ATP2B4: variants seen among roughly 807,000 people sequenced by gnomAD.
The protein encoded by ATP2B4 is ATPase plasma membrane Ca2+ transporting 4.
A neutral mutation model predicts 110.3 loss-of-function variants in ATP2B4; 39 were observed. The observed-to-expected ratio is 0.35, with a 90% CI of 0.27 to 0.46. The LOEUF (loss-of-function observed/expected upper bound fraction) is 0.46, where lower values mean the gene tolerates loss of function less well. Ranked by LOEUF, ATP2B4 falls within the 20% of genes least tolerant of loss-of-function variation. The pLI is 1.00. For missense variants in ATP2B4, 1,135 were observed against 1,530.9 expected (o/e 0.74, Z 4.32); for synonymous variants, 538 against 571.7 (o/e 0.94, Z 0.84).
intron 1 of ATP2B4, among the ~76,000 whole-genome samples, chr1:203,646,705 G>C (rs1023095917): frequency 2.0e-5 from 3 of 152,082 alleles, no homozygotes; most frequent in African/African-American, 7.2e-5. Context: ...GGAGGTTACA[G>C]TGAGCCGAGA....
At chr1:203,630,842 A>C (rs1217197610) in intron 1 of ATP2B4, among the ~76,000 whole-genome samples, 1 of 152,102 alleles carries the variant, frequency 6.6e-6, no homozygotes, top group Non-Finnish European at 1.5e-5. Flanking sequence ...TTCTCCACTC[A>C]TGTCCCCTTT....
intron 2 of ATP2B4, among the ~76,000 whole-genome samples, chr1:203,684,783 AT>A (rs1442852347): frequency 6.6e-6 from 1 of 151,870 alleles, no homozygotes; most frequent in South Asian, 2.1e-4. Context: ...ATTATAAGTG[AT>A]TTTTTTTCAA....
intron 15 of ATP2B4, among the ~76,000 whole-genome samples, chr1:203,716,540 G>A (rs1047270160): frequency 2.8e-5 from 4 of 144,908 alleles, no homozygotes; most frequent in Non-Finnish European, 6.1e-5. Flanking sequence ...AGTTGTTGAG[G>A]GCAAGCATTC....
intron 1 of ATP2B4, among the ~76,000 whole-genome samples, chr1:203,639,111 T>G (rs978122814): frequency 6.6e-6 from 1 of 152,044 alleles, no homozygotes; most frequent in African/African-American, 2.4e-5. Flanking sequence ...TCAGAGGAAG[T>G]GCAGAGGGGA....
At chr1:203,734,577 G>C (rs906395807) in intron 20 of ATP2B4, among the ~76,000 whole-genome samples, 1 of 151,206 alleles carries the variant, frequency 6.6e-6, no homozygotes, top group African/African-American at 2.4e-5. Flanking sequence ...AATATGGTGC[G>C]TGCCTGTAAT....
At chr1:203,636,207 C>A (rs1337122221) in intron 1 of ATP2B4, among the ~76,000 whole-genome samples, 4 of 152,216 alleles carry the variant, frequency 2.6e-5, no homozygotes, top group African/African-American at 7.2e-5. Context: ...CTGAAAGAAA[C>A]CAGCAAGCAG....
intron 1 of ATP2B4, among the ~76,000 whole-genome samples, chr1:203,668,671 G>T (rs939751591): frequency 2.6e-5 from 4 of 152,200 alleles, no homozygotes; most frequent in Admixed American, 2.0e-4. Context: ...GACACAGATG[G>T]GTCCTGGGTT....
At chr1:203,648,498 C>G (rs892316778) in intron 1 of ATP2B4, among the ~76,000 whole-genome samples, 1 of 152,154 alleles carries the variant, frequency 6.6e-6, no homozygotes, top group Non-Finnish European at 1.5e-5. Flanking sequence ...TTTGGAATGA[C>G]AGCCCGAGGT....
intron 1 of ATP2B4, among the ~76,000 whole-genome samples, chr1:203,663,855 C>T (rs550234296): frequency 4.6e-5 from 7 of 152,306 alleles, no homozygotes; most frequent in South Asian, 2.1e-4. Context: ...CCTCCTGCCT[C>T]GGCCTCCTGA....
intron 9 of ATP2B4, 99 bp from the exon 10 acceptor site, chr1:203,707,763 T>A: frequency 6.7e-7 from 1 of 1,496,936 alleles, no homozygotes; most frequent in Non-Finnish European, 9.1e-7. Flanking sequence ...GACTGGAAGA[T>A]GAAATGTGGA....
At chr1:203,706,054 G>A (rs1236430694) in intron 8 of ATP2B4, among the ~76,000 whole-genome samples, 1 of 152,188 alleles carries the variant, frequency 6.6e-6, no homozygotes, top group Non-Finnish European at 1.5e-5. Flanking sequence ...CAAATATTGT[G>A]CCACAGTTAG....
intron 6 of ATP2B4, among the ~76,000 whole-genome samples, chr1:203,701,589 G>A (rs1665694301): frequency 6.6e-6 from 1 of 152,190 alleles, no homozygotes; most frequent in African/African-American, 2.4e-5. Flanking sequence ...TTATGAAAAG[G>A]AAACAAAACA....
intron 1 of ATP2B4, among the ~76,000 whole-genome samples, chr1:203,658,409 T>C (rs1379247170): frequency 6.6e-6 from 1 of 150,776 alleles, no homozygotes; most frequent in East Asian, 1.9e-4. Flanking sequence ...TGCAGGCCTG[T>C]AGTCCCAGCT....
At chr1:203,682,354 A>G (rs1433458744) in intron 1 of ATP2B4, among the ~76,000 whole-genome samples, 1 of 152,168 alleles carries the variant, frequency 6.6e-6, no homozygotes. Context: ...CATCTTTTAT[A>G]GATAAGGTCA....
chr1:203,722,680 C>G lies in ATP2B4; in HGVS notation c.3015C>G (p.Phe1005Leu). The G allele has an allele frequency of 6.2e-7, 1 of 1,614,038 alleles. No homozygotes were observed. Among genetic ancestry groups the G allele is most frequent in the Non-Finnish European group, 8.5e-7 (1 of 1,179,882 alleles). ...TCTGCTCTGTAGTCTTGGGCACATT[C>G]ATCTGCCAGGTGAGATTCTATCTGC... ...IIFCSVVLGT[F>L]ICQIFIVEFG... Residue 1005 changes from phenylalanine (F) to leucine (L), a missense_variant, in exon 18 of 21, where the codon TTC becomes TTG. Physicochemically the swap from Phe to Leu is conservative, Grantham distance 22. Around this residue, in one of 9 missense-constraint regions of ATP2B4, gnomAD observed 155 missense variants for 186.2 expected, o/e 0.83. Coordinates refer to ENST00000357681, the MANE Select transcript of ATP2B4 (RefSeq NM_001684.5).
chr1:203,679,171 G>T (rs930322650), intron 1 of ATP2B4, among the ~76,000 whole-genome samples: 12 of 152,020 alleles, frequency 7.9e-5, no homozygotes, highest in African/African-American at 2.9e-4. Flanking sequence ...TACCTTTCAG[G>T]TGTCTGAGCA....
In ATP2B4 at chr1:203,713,210, C is replaced by G. The variant is rs752709914; in HGVS notation, c.2257C>G (p.Leu753Val). ...CAAGATCTGGCCTAAGCTTCGGGTC[C>G]TGGCGCGATCTTCTCCCACTGACAA... ...LDKIWPKLRV[L>V]ARSSPTDKHT... Residue 753 changes from leucine (L) to valine (V), a missense_variant, in exon 14 of 21, where the codon CTG becomes GTG. Transcript: ENST00000357681. 1.2e-6 allele frequency: 2 copies of G among 1,614,162 alleles called. No individual in the cohort carries two copies. The highest frequency in any genetic ancestry group is 4.5e-5 in the East Asian group (2 of 44,876).
At chr1:203,659,024 T>G (rs1571690809) in intron 1 of ATP2B4, among the ~76,000 whole-genome samples, 1 of 151,316 alleles carries the variant, frequency 6.6e-6, no homozygotes, top group Non-Finnish European at 1.5e-5. Flanking sequence ...AATTAGAAGG[T>G]GAATATAGTA....
chr1:203,710,048 A>G (rs971090032), intron 11 of ATP2B4, among the ~76,000 whole-genome samples: 1 of 152,002 alleles, frequency 6.6e-6, no homozygotes, highest in Non-Finnish European at 1.5e-5. Flanking sequence ...CCCATTTCTG[A>G]TTACAGGGAA....
Sources: gnomAD v4.1 joint callset for allele counts (sites outside exome capture counted in the v4.1 genomes callset) on GRCh38, gnomAD v4.1.1 for gene constraint, gnomAD v4.1.1 regional missense constraint, MANE v1.5 for transcripts, NCBI Gene and HGNC (gene_info 2026-07-23, HGNC 2026-07-21) for gene names.